Variants in MAGED1 observed in about 807,000 individuals in gnomAD.
MAGED1 encodes the protein MAGE family member D1, also known as melanoma-associated antigen D1.
MAGED1 carries 3 observed loss-of-function variants against 54.1 expected under a neutral mutation model. The observed-to-expected ratio is 0.06, with a 90% CI of 0.03 to 0.14. The LOEUF (loss-of-function observed/expected upper bound fraction) is 0.14, where lower values mean the gene tolerates loss of function less well. Among genes scored for constraint, MAGED1 ranks in the 10% least tolerant of loss-of-function variants. The pLI is 1.00. For missense variants in MAGED1, 485 were observed against 623.4 expected, an observed-to-expected ratio of 0.78 and a Z score of 2.36; for synonymous variants, 217 against 227.3, an observed-to-expected ratio of 0.95 and a Z score of 0.41.
chrX:51,808,263 T>C (rs1925098583), intron 1 of MAGED1, among the ~76,000 whole-genome samples: 1 of 112,217 alleles, frequency 8.9e-6, no homozygotes, highest in South Asian at 3.7e-4. Flanking sequence ...TGAATATTTA[T>C]ATATTTAGTA....
At chrX:51,876,085 A>G (rs1322793976) in intron 1 of MAGED1, among the ~76,000 whole-genome samples, 1 of 111,531 alleles carries the variant, frequency 9.0e-6, no homozygotes, top group Non-Finnish European at 1.9e-5. Context: ...TTCAGAGACT[A>G]TAAATCAGCA....
intron 1 of MAGED1, among the ~76,000 whole-genome samples, chrX:51,814,626 C>T (rs1167574376): frequency 1.8e-5 from 2 of 111,035 alleles, no homozygotes; most frequent in African/African-American, 6.6e-5. Context: ...ATGTTTTGGT[C>T]AATGACAGAT....
At chrX:51,877,716 T>C (rs1289761707) in intron 1 of MAGED1, among the ~76,000 whole-genome samples, 1 of 112,008 alleles carries the variant, frequency 8.9e-6, no homozygotes, top group Non-Finnish European at 1.9e-5. Context: ...ATAGAAAATG[T>C]TATGCCAAGA....
rs1256590701 is a variant in MAGED1, at chrX:51,820,227, C to T, written c.-37+17110C>T. 3.6e-5 allele frequency among the ~76,000 whole-genome samples: 4 copies of T among 111,515 alleles called. No individual in the cohort carries two copies. The East Asian group carries it at 8.4e-4, about 23-fold the overall frequency. On this transcript the variant is annotated intron_variant, in intron 1 of 12. Coordinates refer to the MAGED1 transcript ENST00000375772. Reference sequence around the variant, plus strand: ...AAGTATGACTCCTCCAACTTTGTTCCACGTTTTCAAAAGGTGTTTTGACCA... The same window carrying T: ...AAGTATGACTCCTCCAACTTTGTTCTACGTTTTCAAAAGGTGTTTTGACCA...
In MAGED1 at chrX:51,896,745, G is replaced by A. The variant is rs782058530; in HGVS notation, c.1090G>A (p.Gly364Ser). 8.3e-6 allele frequency: 10 copies of A among 1,211,470 alleles called. No individual in the cohort carries two copies. Among genetic ancestry groups the A allele is most frequent in the Middle Eastern group, 2.3e-4 (1 of 4,356 alleles). ...VIWPNPIVWPGPVVWPNPLAW... is the reference protein window; with the variant it reads ...VIWPNPIVWPSPVVWPNPLAW... Reference sequence around the variant, plus strand: ...CTGGCCAAACCCCATTGTCTGGCCCGGCCCTGTTGTCTGGCCGAATCCACT... The same window carrying A: ...CTGGCCAAACCCCATTGTCTGGCCCAGCCCTGTTGTCTGGCCGAATCCACT... Residue 364 changes from glycine (G) to serine (S), a missense_variant, in exon 4 of 13, where the codon GGC (glycine) becomes AGC (serine). Gly to Ser is a moderately conservative substitution (Grantham distance 56, BLOSUM62 0). Around this residue, in one of 2 missense-constraint regions of MAGED1, gnomAD observed 299 missense variants for 293.1 expected, o/e 1.02. Coordinates refer to ENST00000326587, the MANE Select transcript of MAGED1 (RefSeq NM_006986.4).
chrX:51,805,109 A>G (rs1924982368), intron 1 of MAGED1, among the ~76,000 whole-genome samples: 1 of 111,541 alleles, frequency 9.0e-6, no homozygotes, highest in Admixed American at 9.5e-5. Context: ...CTATCTCCAT[A>G]TTCACCTCAT....
At chrX:51,817,128 T>G (rs1391245384) in intron 1 of MAGED1, among the ~76,000 whole-genome samples, 3 of 112,124 alleles carry the variant, frequency 2.7e-5, no homozygotes, top group African/African-American at 9.7e-5. Context: ...CAATGAGTGA[T>G]AAAATTAAGT....
chrX:51,888,613 G>A (rs1557363053), upstream of MAGED1, among the ~76,000 whole-genome samples: 3 of 111,905 alleles, frequency 2.7e-5, no homozygotes, highest in Non-Finnish European at 3.8e-5. Context: ...TGCACTCTTG[G>A]GTACTTATCC....
At chrX:51,803,812 A>G (rs1924942977) in intron 1 of MAGED1, among the ~76,000 whole-genome samples, 1 of 99,938 alleles carries the variant, frequency 1.0e-5, no homozygotes, top group Non-Finnish European at 2.0e-5. Context: ...CATTGCATTT[A>G]TTTTTTTATG....
chrX:51,865,154 T>C (rs949747590), intron 1 of MAGED1, among the ~76,000 whole-genome samples: 5 of 112,545 alleles, frequency 4.4e-5, no homozygotes, highest in Non-Finnish European at 9.4e-5. Flanking sequence ...AGAGTTTTTA[T>C]CATTGAAGAT....
At position 51,896,868 on chromosome X, in the gene MAGED1, C is replaced by A. The variant is rs199911189; in HGVS notation, c.1213C>A (p.Pro405Thr). The A allele has an allele frequency of 4.9e-5, 59 of 1,200,861 alleles. No individual in the cohort carries two copies. The highest frequency in any genetic ancestry group is 2.3e-4 in the Middle Eastern group (1 of 4,364). Residue 405 changes from proline (P) to threonine (T), a missense_variant, in exon 4 of 13, where the codon CCG (proline) becomes ACG (threonine). Pro to Thr is a conservative substitution (Grantham distance 38). Coordinates refer to ENST00000326587, the MANE Select transcript of MAGED1 (RefSeq NM_006986.4). Reference sequence around the variant, plus strand: ...AGACTGGCAAGGTCCTCCTGACTGGCCGCTACCACCCGACTGGCCACTGCC... The same window carrying A: ...AGACTGGCAAGGTCCTCCTGACTGGACGCTACCACCCGACTGGCCACTGCC... ...PPDWQGPPDW[P>T]LPPDWPLPPD...
chrX:51,836,565 T>TG (rs1926258743), intron 1 of MAGED1, among the ~76,000 whole-genome samples: 1 of 109,126 alleles, frequency 9.2e-6, no homozygotes, highest in South Asian at 4.1e-4. Flanking sequence ...TACACTAATG[T>TG]GTACTCTGTT....
intron 1 of MAGED1, among the ~76,000 whole-genome samples, chrX:51,809,853 A>G (rs1925157060): frequency 1.8e-5 from 2 of 111,319 alleles, no homozygotes. Context: ...AATTCTTTCA[A>G]TCTTTCTGCA....
At chrX:51,886,456 T>C (rs1264864154) in intron 1 of MAGED1, among the ~76,000 whole-genome samples, 1 of 109,973 alleles carries the variant, frequency 9.1e-6, no homozygotes, top group East Asian at 2.9e-4. Flanking sequence ...TCCATAAAAA[T>C]TAAAAATTAA....
chrX:51,850,477 G>A (rs1926846267), intron 1 of MAGED1, among the ~76,000 whole-genome samples: 1 of 111,943 alleles, frequency 8.9e-6, no homozygotes, highest in African/African-American at 3.2e-5. Flanking sequence ...GACTAACATA[G>A]ATACGGGTAC....
upstream of MAGED1, among the ~76,000 whole-genome samples, chrX:51,890,894 G>A (rs1004230176): frequency 9.2e-6 from 1 of 109,203 alleles, no homozygotes; most frequent in Non-Finnish European, 1.9e-5. Context: ...TGGGCTTCTG[G>A]TGTCACGGAA....
At chrX:51,824,704 CTGTGTGTGTGTG>C (rs149180361) in intron 1 of MAGED1, among the ~76,000 whole-genome samples, 1 of 90,419 alleles carries the variant, frequency 1.1e-5, no homozygotes. Context: ...TATATTGTCT[CTGTGTGTGTGTG>C]TGTGTGTGTG....
At chrX:51,855,991 G>A (rs782055446) in intron 1 of MAGED1, among the ~76,000 whole-genome samples, 19 of 111,870 alleles carry the variant, frequency 1.7e-4, no homozygotes, top group Admixed American at 5.7e-4. Context: ...TAGGGGTTGG[G>A]ACTTCACCGT....
Position 51,836,741 on chromosome X carries a change from T to A in MAGED1, c.-37+33624T>A, listed in dbSNP as rs192442354. Among the ~76,000 whole-genome samples the A allele has an allele frequency of 3.9e-3, 424 of 109,878 alleles. 4 individuals carry two copies. The highest frequency in any genetic ancestry group is 0.013 in the African/African-American group (395 of 30,178). The stretch of plus-strand genomic sequence containing the variant: ...ATGCACCACCTACGCCCGGCTAGTT[T>A]TTTTTGTATTTTTAGTAGAGATGGG... On this transcript the variant is annotated intron_variant, in intron 1 of 12. Transcript: ENST00000375772.
Sources: gnomAD v4.1 joint callset for allele counts (sites outside exome capture counted in the v4.1 genomes callset) on GRCh38, gnomAD v4.1.1 for gene constraint, gnomAD v4.1.1 regional missense constraint, MANE v1.5 for transcripts, NCBI Gene and HGNC (gene_info 2026-07-23, HGNC 2026-07-21) for gene names.